CA7: variants seen among roughly 807,000 people sequenced by gnomAD.
CA7 encodes carbonic anhydrase 7, also known as carbonate dehydratase VII.
In CA7, 13 loss-of-function variants were observed where a neutral mutation model predicts 31.4. That is an observed-to-expected ratio of 0.41 (90% CI 0.27 to 0.66). CA7 has a LOEUF of 0.66. Ranked by LOEUF, CA7 falls within the 30% of genes least tolerant of loss-of-function variation. CA7 has a pLI of 0.28. For synonymous variants in CA7, 128 were observed against 133.2 expected, an observed-to-expected ratio of 0.96 and a Z score of 0.27; for missense variants, 215 against 351.0, an observed-to-expected ratio of 0.61 and a Z score of 3.10.
At chr16:66,850,240 G>A (rs930481538) in intron 2 of CA7, among the ~76,000 whole-genome samples, 2 of 151,736 alleles carry the variant, frequency 1.3e-5, no homozygotes, top group African/African-American at 4.8e-5. Context: ...ATGAGTTCAA[G>A]ACCAGCCTGG....
intron 5 of CA7, among the ~76,000 whole-genome samples, 183 bp downstream of exon 5, chr16:66,851,909 C>A (rs528661831): frequency 1.3e-5 from 2 of 152,200 alleles, no homozygotes; most frequent in East Asian, 3.9e-4. Flanking sequence ...CCTTGGGTGT[C>A]CAGCATGAAG....
At chr16:66,850,166 A>G (rs1203923305) in intron 2 of CA7, among the ~76,000 whole-genome samples, 4 of 149,950 alleles carry the variant, frequency 2.7e-5, no homozygotes, top group Non-Finnish European at 5.9e-5. Context: ...CTCAGCTGGC[A>G]CAGTGGCTCG....
intron 2 of CA7, among the ~76,000 whole-genome samples, chr16:66,848,854 G>A (rs1480235609): frequency 3.9e-5 from 6 of 152,190 alleles, no homozygotes; most frequent in African/African-American, 1.4e-4. Context: ...CTATCCAATT[G>A]CTTAGCCTGC....
rs542432911 is a variant in CA7 at position 66,853,323 on chromosome 16, A to G, written c.673-53A>G. On this transcript the variant is annotated intron_variant, in intron 6 of 6. Transcript: ENST00000338437. The surrounding 1 kb of genome is among the most constrained non-coding windows in gnomAD (Gnocchi z 4.5). ...TGCCAGATGATGCATCTGGGGTCAT[A>G]GAGGACCACAGCACCCCCAATCTGC... The G allele has an allele frequency of 2.5e-6, 4 of 1,610,536 alleles. No individual in the cohort carries two copies. In the Admixed American group the frequency reaches 6.7e-5, roughly 27 times the overall value.
At position 66,853,574 on chromosome 16, in the gene CA7, T is replaced by C. The variant is rs1259576750; in HGVS notation, c.*76T>C. On this transcript the variant is annotated 3_prime_UTR_variant, in exon 7 of 7. Coordinates refer to ENST00000338437, the MANE Select transcript of CA7 (RefSeq NM_005182.3). This position sits in a 1 kb window ranked among gnomAD's most constrained non-coding sequence, Gnocchi z 4.5. ...CCATGTCAGCAGACACCAAACCATCTGAGGCTTCCTCCCTGGGGGGTGCTG... is the reference window on the plus strand; with the variant it reads ...CCATGTCAGCAGACACCAAACCATCCGAGGCTTCCTCCCTGGGGGGTGCTG... 1.9e-6 allele frequency: 3 copies of C among 1,580,892 alleles called. No homozygotes were observed. The highest frequency in any genetic ancestry group is 1.7e-5 in the Admixed American group (1 of 58,602).
In CA7 at chr16:66,853,588, T is replaced by TG; in HGVS notation, c.*96dup. 1 of 1,523,848 alleles carries TG rather than the reference T, an allele frequency of 6.6e-7. No individual in the cohort carries two copies. The highest frequency in any genetic ancestry group is 8.9e-7 in the Non-Finnish European group (1 of 1,125,944). 94.4% of individuals were successfully genotyped at this position (1,523,848 alleles called of 1,614,324 possible). On this transcript the variant is annotated 3_prime_UTR_variant, in exon 7 of 7. Coordinates refer to ENST00000338437, the MANE Select transcript of CA7 (RefSeq NM_005182.3). This position sits in a 1 kb window ranked among gnomAD's most constrained non-coding sequence, Gnocchi z 4.5. ...ACCAAACCATCTGAGGCTTCCTCCC[T>TG]GGGGGGTGCTGGGGACCCTCCTTCA... is the stretch of plus-strand genomic sequence containing the variant.
chr16:66,851,797 C>T, intron 5 of CA7, 71 bp downstream of exon 5: 1 of 1,327,628 alleles, frequency 7.5e-7, no homozygotes, highest in Non-Finnish European at 1.1e-6. Flanking sequence ...AAGTTGGGCC[C>T]TTCCAGTCCT....
In CA7 at chr16:66,852,810, C is replaced by T. The variant is rs1172058016; in HGVS notation, c.615C>T (p.Leu205=). 5 of 1,614,090 alleles carry T rather than the reference C, an allele frequency of 3.1e-6. No homozygotes were observed. In the East Asian group the frequency reaches 8.9e-5, roughly 29 times the overall value. ...TYPGSLTTPP[L]SESVTWIVLR... Reference sequence around the variant, plus strand: ...CGGGCTCTCTGACGACTCCCCCACTCAGTGAGAGTGTCACCTGGATTGTGC... The same window carrying T: ...CGGGCTCTCTGACGACTCCCCCACTTAGTGAGAGTGTCACCTGGATTGTGC... The change falls in exon 6 of 7, where the codon CTC becomes CTT. Residue 205 remains leucine, a synonymous_variant. Transcript: ENST00000338437.
chr16:66,845,513 G>A (rs1960911892), intron 1 of CA7, among the ~76,000 whole-genome samples: 1 of 152,174 alleles, frequency 6.6e-6, no homozygotes, highest in South Asian at 2.1e-4. Flanking sequence ...GTGCTGTGGA[G>A]TCTTTGGCTC....
intron 1 of CA7, chr16:66,844,989 C>T: frequency 1.0e-6 from 1 of 991,322 alleles, no homozygotes; most frequent in African/African-American, 1.7e-5. Context: ...GGCGCAGTGT[C>T]CCCCGGAGAG....
In CA7 at chr16:66,851,699, A is replaced by G. The variant is rs1213990609; in HGVS notation, c.489A>G (p.Thr163=). 1 of 1,614,012 alleles carries G rather than the reference A, an allele frequency of 6.2e-7. No homozygotes were observed. The highest frequency in any genetic ancestry group is 1.7e-5 in the Admixed American group (1 of 59,984). The change falls in exon 5 of 7, where the codon ACA becomes ACG. Residue 163 remains threonine, a synonymous_variant. Transcript: ENST00000338437. ...AGCACCCCAGCATGAATCGTCTGAC[A>G]GATGCGCTCTACATGGTCCGGTTCA... The part of the protein sequence containing the change: ...GDEHPSMNRL[T]DALYMVRFKG...
chr16:66,850,494 G>A (rs1004359022), intron 2 of CA7, 47 bp from the exon 3 acceptor site: 2 of 1,091,772 alleles, frequency 1.8e-6, no homozygotes, highest in African/African-American at 1.5e-5. Flanking sequence ...GCACTGGGCT[G>A]TCGGTCCTCT....
chr16:66,844,423 G>T lies in CA7; in HGVS notation c.-65G>T, dbSNP rs1412931633. 4 of 1,404,396 alleles carry T rather than the reference G, an allele frequency of 2.8e-6. No homozygotes were observed. Among genetic ancestry groups the T allele is most frequent in the Non-Finnish European group, 3.9e-6 (4 of 1,038,910 alleles). 87.0% of individuals were successfully genotyped at this position (1,404,396 alleles called of 1,614,324 possible). On this transcript the variant is annotated 5_prime_UTR_variant, in exon 1 of 7. Coordinates refer to ENST00000338437, the MANE Select transcript of CA7 (RefSeq NM_005182.3). ...CTCCGCGGTAGCGAGCGGGGCCGGA[G>T]CCGCAGCCCGAACGAGCGGACCGAG...
At chr16:66,850,854 C>T (rs945139792) in intron 3 of CA7, among the ~76,000 whole-genome samples, 195 bp downstream of exon 3, 1 of 152,172 alleles carries the variant, frequency 6.6e-6, no homozygotes, top group Non-Finnish European at 1.5e-5. Context: ...GCTATCCTTC[C>T]TGGTCTGTGC....
rs1213347703 is a variant in CA7 at position 66,851,454 on chromosome 16, G to T, written c.358-9G>T. 1 of 1,613,342 alleles carries T rather than the reference G, an allele frequency of 6.2e-7. No homozygotes were observed. The highest frequency in any genetic ancestry group is 1.1e-5 in the South Asian group (1 of 91,064). On this transcript the variant is annotated splice_polypyrimidine_tract_variant and intron_variant, in intron 3 of 6. Transcript: ENST00000338437. ...AGGCACGAAGCATTGGCCTGTTGTTGCCCCATAGCTGCATCTGGTTCACTG... is the reference window on the plus strand; with the variant it reads ...AGGCACGAAGCATTGGCCTGTTGTTTCCCCATAGCTGCATCTGGTTCACTG...
At chr16:66,849,201 C>A (rs1021241892) in intron 2 of CA7, among the ~76,000 whole-genome samples, 2 of 152,160 alleles carry the variant, frequency 1.3e-5, no homozygotes, top group Non-Finnish European at 2.9e-5. Context: ...CGTGCATGGC[C>A]CCAGCTCACT....
At chr16:66,845,287 G>A (rs1258779623) in intron 1 of CA7, 3 of 960,488 alleles carry the variant, frequency 3.1e-6, no homozygotes, top group Non-Finnish European at 3.7e-6. Context: ...TCCCTTTGGG[G>A]CCATTTCTTA....
At position 66,844,541 on chromosome 16, in the gene CA7, T is replaced by TC. The variant is rs1567504416; in HGVS notation, c.40+19dup. 6.5e-7 allele frequency: 1 copy of TC among 1,537,076 alleles called. No homozygotes were observed. Among genetic ancestry groups the TC allele is most frequent in the Admixed American group, 2.0e-5 (1 of 50,108 alleles). ...GCCAGGACGACGGTAGGCACAGACC[T>TC]CCCCCACCGCCTCTGGCTCGGACCC... On this transcript the variant is annotated intron_variant, in intron 1 of 6. Transcript: ENST00000338437.
intron 1 of CA7, among the ~76,000 whole-genome samples, chr16:66,846,075 G>A (rs1326691594): frequency 1.3e-5 from 2 of 152,186 alleles, no homozygotes; most frequent in East Asian, 3.8e-4. Context: ...TCTAAAAATA[G>A]GCTGCATCTC....
Sources: allele counts gnomAD v4.1 joint callset (sites outside exome capture counted in the v4.1 genomes callset), GRCh38; gene constraint gnomAD v4.1.1; non-coding constraint Gnocchi (gnomAD v3.1); transcripts MANE v1.5; gene names NCBI Gene and HGNC (gene_info 2026-07-23, HGNC 2026-07-21).